The following RNF38 variants were observed in gnomAD, a reference collection of about 807,000 sequenced individuals.
The protein encoded by RNF38 is E3 ubiquitin-protein ligase RNF38.
Under a neutral mutation model 67.2 loss-of-function variants are expected in RNF38, and 15 were observed. That is an observed-to-expected ratio of 0.22 (90% CI 0.15 to 0.34). The LOEUF is 0.34. Ranked by LOEUF, RNF38 falls within the 10% of genes least tolerant of loss-of-function variation. The probability of loss-of-function intolerance (pLI) is 1.00; values close to 1 mark genes in which losing one functional copy is unlikely to be tolerated. For missense variants in RNF38, 524 were observed against 639.9 expected, an observed-to-expected ratio of 0.82 and a Z score of 1.95; for synonymous variants, 220 against 218.8, an observed-to-expected ratio of 1.01 and a Z score of -0.05.
At chr9:36,371,145 G>A (rs921432156) in intron 3 of RNF38, among the ~76,000 whole-genome samples, 4 of 152,140 alleles carry the variant, frequency 2.6e-5, no homozygotes, top group African/African-American at 9.7e-5. Flanking sequence ...CTTCTAGGAA[G>A]AACTCCAAGT....
upstream of RNF38, chr9:36,401,226 C>A: frequency 2.3e-6 from 2 of 874,966 alleles, no homozygotes; most frequent in Non-Finnish European, 2.7e-6. Flanking sequence ...GGCGGGGCTG[C>A]GCGCGGCCCG....
intron 2 of RNF38, among the ~76,000 whole-genome samples, chr9:36,378,885 C>G (rs1397772631): frequency 2.7e-5 from 4 of 148,602 alleles, no homozygotes; most frequent in Non-Finnish European, 3.0e-5. Context: ...CATTAGAGTA[C>G]TTACTACTTT....
intron 1 of RNF38, among the ~76,000 whole-genome samples, chr9:36,478,505 G>GT (rs1419315773): frequency 1.1e-4 from 16 of 142,592 alleles, no homozygotes; most frequent in African/African-American, 3.9e-4. Context: ...TCGCAAAAAT[G>GT]TAAGTATTTA....
At chr9:36,374,070 A>G (rs1835596005) in intron 3 of RNF38, among the ~76,000 whole-genome samples, 1 of 152,194 alleles carries the variant, frequency 6.6e-6, no homozygotes, top group South Asian at 2.1e-4. Context: ...ACTTTGCAAT[A>G]ACTATACTTT....
At chr9:36,379,113 T>A (rs1277772659) in intron 2 of RNF38, among the ~76,000 whole-genome samples, 2 of 152,188 alleles carry the variant, frequency 1.3e-5, no homozygotes, top group African/African-American at 4.8e-5. Context: ...TTGGTCAGGA[T>A]GGTCTCGAAC....
At chr9:36,400,999 G>C, upstream of RNF38, 1 of 984,306 alleles carries the variant, frequency 1.0e-6, no homozygotes, top group Non-Finnish European at 1.2e-6. Flanking sequence ...CGCTGCGCGC[G>C]CAGGCGACTC....
chr9:36,368,735 T>A (rs1304233211), intron 4 of RNF38, among the ~76,000 whole-genome samples: 1 of 152,136 alleles, frequency 6.6e-6, no homozygotes, highest in African/African-American at 2.4e-5. Flanking sequence ...TCACTATGTG[T>A]TATTGTTTAT....
chr9:36,341,123 T>C (rs1587450571), intron 11 of RNF38, among the ~76,000 whole-genome samples: 1 of 151,964 alleles, frequency 6.6e-6, no homozygotes, highest in East Asian at 1.9e-4. Context: ...TCCTTTACGC[T>C]TCAGAGTGGC....
At chr9:36,353,851 A>G (rs1368551795) in intron 6 of RNF38, among the ~76,000 whole-genome samples, 1 of 152,222 alleles carries the variant, frequency 6.6e-6, no homozygotes, top group Non-Finnish European at 1.5e-5. Context: ...CAGCCATGTT[A>G]ACTTTCAGAT....
Position 36,376,014 on chromosome 9 carries a change from A to G in RNF38, c.276T>C (p.Asn92=), listed in dbSNP as rs150389838. ...TTGGTCGAACTGAAGGGGGCTGCCT[A>G]TTTGATGTCATCTCCCATGGTCGCA... ...PPMRPWEMTS[N]RQPPSVRPSQ... Residue 92 remains asparagine (N), a synonymous_variant, in exon 3 of 12, where the codon AAT becomes AAC. Coordinates refer to ENST00000259605, the MANE Select transcript of RNF38 (RefSeq NM_022781.5). The G allele has an allele frequency of 9.2e-5, 149 of 1,613,302 alleles. No homozygotes were observed. The African/African-American group carries it at 1.8e-3, about 20-fold the overall frequency.
intron 9 of RNF38, 24 bp from the exon 10 acceptor site, chr9:36,344,977 T>C: frequency 6.3e-7 from 1 of 1,594,908 alleles, no homozygotes; most frequent in Non-Finnish European, 8.5e-7. Flanking sequence ...AGACGACATA[T>C]TTTCATCTAT....
chr9:36,342,088 T>C (rs891101066), intron 11 of RNF38, among the ~76,000 whole-genome samples: 1 of 152,158 alleles, frequency 6.6e-6, no homozygotes, highest in Admixed American at 6.5e-5. Context: ...CTATATACCA[T>C]GAAAAAGGAC....
intron 1 of RNF38, among the ~76,000 whole-genome samples, chr9:36,434,849 T>C (rs983982123): frequency 6.6e-6 from 1 of 152,230 alleles, no homozygotes; most frequent in Admixed American, 6.5e-5. Context: ...CCTTGCCTTA[T>C]ACATTATATC....
chr9:36,348,456 G>C (rs912536392), intron 9 of RNF38, among the ~76,000 whole-genome samples: 3 of 152,132 alleles, frequency 2.0e-5, no homozygotes, highest in African/African-American at 7.2e-5. Context: ...CTGGGTGACA[G>C]AGTAAGACCC....
intron 1 of RNF38, among the ~76,000 whole-genome samples, chr9:36,470,409 A>C (rs1202380659): frequency 1.3e-5 from 2 of 152,170 alleles, no homozygotes; most frequent in Non-Finnish European, 2.9e-5. Flanking sequence ...CTGAAAGAGC[A>C]GTGGTTTTTC....
chr9:36,438,198 G>A (rs973364992), intron 1 of RNF38, among the ~76,000 whole-genome samples: 2 of 152,054 alleles, frequency 1.3e-5, no homozygotes, highest in African/African-American at 2.4e-5. Context: ...TCAGTTTCCC[G>A]AAGTGCTGGG....
At chr9:36,367,130 T>C (rs1266990337) in intron 4 of RNF38, among the ~76,000 whole-genome samples, 2 of 152,190 alleles carry the variant, frequency 1.3e-5, no homozygotes, top group Non-Finnish European at 2.9e-5. Context: ...TAGTCCTTGA[T>C]TTTTGTCCCC....
intron 2 of RNF38, among the ~76,000 whole-genome samples, chr9:36,415,084 T>C (rs1047963941): frequency 6.6e-5 from 10 of 152,220 alleles, no homozygotes; most frequent in South Asian, 2.1e-4. Flanking sequence ...TTTGGATGTA[T>C]AGATCTCTAG....
chr9:36,345,233 G>A lies in RNF38; in HGVS notation c.1264-280C>T, dbSNP rs1040394471. ...TGAAAAAATCTAAACACATACAAAA[G>A]GAGAAAAGTAACATTAATGAACCTT... On this transcript the variant is annotated intron_variant, in intron 9 of 11. Coordinates refer to ENST00000259605, the MANE Select transcript of RNF38 (RefSeq NM_022781.5). Among the ~76,000 whole-genome samples, 4 of 152,172 alleles carry A rather than the reference G, an allele frequency of 2.6e-5. No individual in the cohort carries two copies. The East Asian group carries it at 5.8e-4, about 22-fold the overall frequency.
Sources: allele counts gnomAD v4.1 joint callset (sites outside exome capture counted in the v4.1 genomes callset), GRCh38; gene constraint gnomAD v4.1.1; transcripts MANE v1.5; gene names NCBI Gene and HGNC (gene_info 2026-07-23, HGNC 2026-07-21).